Variants in PTTG1IP2 observed in about 807,000 individuals in gnomAD.
PTTG1IP2 encodes PTTG1IP family member 2.
At chr7:90,483,501 T>C (rs908239269) in intron 2 of PTTG1IP2, among the ~76,000 whole-genome samples, 1 of 152,178 alleles carries the variant, frequency 6.6e-6, no homozygotes, top group African/African-American at 2.4e-5. Flanking sequence ...TTTCTGTGCA[T>C]TGGCTTCCTT....
intron 6 of PTTG1IP2, among the ~76,000 whole-genome samples, chr7:90,505,264 G>A (rs1019893998): frequency 1.3e-5 from 2 of 152,294 alleles, no homozygotes; most frequent in East Asian, 3.9e-4. Context: ...CATCCAACTT[G>A]CTGCCCAGCC....
intron 6 of PTTG1IP2, among the ~76,000 whole-genome samples, chr7:90,495,964 G>C (rs555782136): frequency 6.6e-6 from 1 of 152,152 alleles, no homozygotes; most frequent in Admixed American, 6.5e-5. Context: ...TTGGGGTTGG[G>C]GGGGAGTACT....
At chr7:90,479,839 G>A (rs2116056627) in intron 2 of PTTG1IP2, among the ~76,000 whole-genome samples, 1 of 152,292 alleles carries the variant, frequency 6.6e-6, no homozygotes, top group South Asian at 2.1e-4. Context: ...ACTTGTATTG[G>A]ATAACAGACG....
At chr7:90,510,652 G>C (rs529550917) in intron 6 of PTTG1IP2, among the ~76,000 whole-genome samples, 1 of 152,322 alleles carries the variant, frequency 6.6e-6, no homozygotes, top group East Asian at 1.9e-4. Flanking sequence ...CTTACTGAAA[G>C]AGGAAGAAAA....
chr7:90,476,811 T>C (rs571646807), intron 1 of PTTG1IP2, among the ~76,000 whole-genome samples: 2 of 152,296 alleles, frequency 1.3e-5, no homozygotes, highest in Non-Finnish European at 2.9e-5. Context: ...AGAATTTTAA[T>C]ATATAAAATC....
chr7:90,482,167 C>T (rs991955543), intron 2 of PTTG1IP2, among the ~76,000 whole-genome samples: 1 of 152,028 alleles, frequency 6.6e-6, no homozygotes, highest in Non-Finnish European at 1.5e-5. Context: ...TCCTATACTC[C>T]CAGAGAAAGT....
chr7:90,475,767 T>C (rs1313310484), intron 1 of PTTG1IP2, among the ~76,000 whole-genome samples: 1 of 152,076 alleles, frequency 6.6e-6, no homozygotes, highest in Non-Finnish European at 1.5e-5. Context: ...GAGACCATCC[T>C]GGCCAACATG....
chr7:90,491,055 T>G (rs1005218400), intron 4 of PTTG1IP2, among the ~76,000 whole-genome samples: 1 of 152,194 alleles, frequency 6.6e-6, no homozygotes, highest in African/African-American at 2.4e-5. Context: ...TGGTTAGGTT[T>G]TAGAAACATG....
intron 3 of PTTG1IP2, among the ~76,000 whole-genome samples, chr7:90,488,643 A>G (rs746940165): frequency 4.6e-5 from 7 of 152,076 alleles, no homozygotes; most frequent in Non-Finnish European, 1.0e-4. Flanking sequence ...CAATTTAAAA[A>G]TAAGTAAATC....
rs1562982545 is a variant in PTTG1IP2, at chr7:90,472,311, CA to C, written c.145+2381del. Among the ~76,000 whole-genome samples the C allele has an allele frequency of 9.6e-4, 99 of 103,404 alleles. 1 individual carries two copies. The highest frequency in any genetic ancestry group is 2.3e-3 in the African/African-American group (72 of 31,134). 67.8% of individuals were successfully genotyped at this position (103,404 alleles called of 152,430 possible). ...ACACACACACACACACACACACACA[CA>C]CACACACACCCCAAATAATCTACCC... On this transcript the variant is annotated intron_variant, in intron 1 of 6. Transcript: ENST00000509356.
At chr7:90,475,776 T>A (rs188286776) in intron 1 of PTTG1IP2, among the ~76,000 whole-genome samples, 28 of 152,082 alleles carry the variant, frequency 1.8e-4, no homozygotes, top group African/African-American at 6.3e-4. Context: ...CTGGCCAACA[T>A]GACAAAATCC....
In PTTG1IP2 at chr7:90,497,713, T is replaced by TAAAAAAAAAAAAAAAAA. The variant is rs1491565834; in HGVS notation, c.*50+3284_*50+3285insAAAAAAAAAAAAAAAAA. On this transcript the variant is annotated intron_variant, in intron 6 of 6. Transcript: ENST00000509356. The stretch of plus-strand genomic sequence containing the variant: ...GCCTGAGCGACAGAGAAAGACCCTG[T>TAAAAAAAAAAAAAAAAA]ATAAAAAAAAAAAAAAAAAAAAAAA... Among the ~76,000 whole-genome samples, 41 of 49,596 alleles carry TAAAAAAAAAAAAAAAAA rather than the reference T, an allele frequency of 8.3e-4. 12 individuals carry two copies. Among genetic ancestry groups the TAAAAAAAAAAAAAAAAA allele is most frequent in the African/African-American group, 2.0e-3 (20 of 9,826 alleles). The allele number at this position is 49,596 out of a possible 152,430, so 32.5% of individuals were successfully genotyped here.
rs1319348005 is a variant in PTTG1IP2, at chr7:90,469,751, G to C, written c.-36G>C. 6.5e-6 allele frequency: 1 copy of C among 152,748 alleles called. No homozygotes were observed. Among genetic ancestry groups the C allele is most frequent in the Admixed American group, 6.5e-5 (1 of 15,286 alleles). 9.5% of individuals were successfully genotyped at this position (152,748 alleles called of 1,614,324 possible). On this transcript the variant is annotated 5_prime_UTR_variant, in exon 1 of 7. Transcript: ENST00000509356. ...CAACACTGTAGCTGGTGCCTGCCAG[G>C]TTCCCAGTGGCTGGGGTCACCAGGT...
At position 90,472,452 on chromosome 7, in the gene PTTG1IP2, C is replaced by G. The variant is rs539346256; in HGVS notation, c.145+2521C>G. 2.0e-5 allele frequency among the ~76,000 whole-genome samples: 3 copies of G among 152,220 alleles called. No individual in the cohort carries two copies. In the East Asian group the frequency reaches 5.8e-4, roughly 29 times the overall value. On this transcript the variant is annotated intron_variant, in intron 1 of 6. Transcript: ENST00000509356. ...AGCCTCGAAGTCGATAGCAAGATATCAGAATGAAATTAAAAGGCAGATAGC... is the reference window on the plus strand; with the variant it reads ...AGCCTCGAAGTCGATAGCAAGATATGAGAATGAAATTAAAAGGCAGATAGC...
At chr7:90,473,216 T>C (rs1797710358) in intron 1 of PTTG1IP2, among the ~76,000 whole-genome samples, 1 of 152,106 alleles carries the variant, frequency 6.6e-6, no homozygotes, top group Non-Finnish European at 1.5e-5. Context: ...ATTCCCAATA[T>C]AGTGGGTGGG....
At chr7:90,478,029 G>A (rs1299818967) in intron 1 of PTTG1IP2, among the ~76,000 whole-genome samples, 8 of 150,248 alleles carry the variant, frequency 5.3e-5, no homozygotes, top group Non-Finnish European at 7.4e-5. Context: ...CCTGGGAGGC[G>A]GAGGTTGTAG....
At chr7:90,472,279 A>AACACAC (rs144907444) in intron 1 of PTTG1IP2, among the ~76,000 whole-genome samples, 2,075 of 137,944 alleles carry the variant, frequency 0.015, 25 homozygotes, top group Middle Eastern at 0.038. Context: ...ATAGCATGCA[A>AACACAC]ACACACACAC....
intron 6 of PTTG1IP2, among the ~76,000 whole-genome samples, chr7:90,505,596 T>A (rs1002546843): frequency 1.3e-5 from 2 of 151,580 alleles, no homozygotes; most frequent in Non-Finnish European, 2.9e-5. Flanking sequence ...CAGTTAAGAG[T>A]GAGTATGAGT....
intron 2 of PTTG1IP2, among the ~76,000 whole-genome samples, chr7:90,480,795 C>G (rs977316857): frequency 6.6e-6 from 1 of 151,866 alleles, no homozygotes; most frequent in Non-Finnish European, 1.5e-5. Context: ...TGTCCCTTCT[C>G]CCTTTTTATT....
Sources: allele counts gnomAD v4.1 joint callset (sites outside exome capture counted in the v4.1 genomes callset), GRCh38; gene constraint gnomAD v4.1.1; transcripts MANE v1.5; gene names NCBI Gene and HGNC (gene_info 2026-07-23, HGNC 2026-07-21).